KMT2C: variants seen among roughly 807,000 people sequenced by gnomAD.
KMT2C encodes the protein histone-lysine N-methyltransferase 2C.
In KMT2C, 88 loss-of-function variants were observed where a neutral mutation model predicts 507.9. The observed-to-expected ratio is 0.17, with a 90% confidence interval of 0.15 to 0.21. The LOEUF (loss-of-function observed/expected upper bound fraction) is 0.21. Among genes scored for constraint, KMT2C ranks in the 10% least tolerant of loss-of-function variants. The pLI is 1.00. For synonymous variants in KMT2C, 2,049 were observed against 2,080.8 expected, an observed-to-expected ratio of 0.98 and a Z score of 0.42; for missense variants, 4,954 against 5,957.8, an observed-to-expected ratio of 0.83 and a Z score of 5.55.
chr7:152,216,966 T>C (rs1390323992), intron 23 of KMT2C, among the ~76,000 whole-genome samples: 1 of 152,202 alleles, frequency 6.6e-6, no homozygotes, highest in African/African-American at 2.4e-5. Flanking sequence ...TCAGCACAAC[T>C]ATCCTATGGG....
At chr7:152,321,929 T>C (rs2096776362) in intron 3 of KMT2C, among the ~76,000 whole-genome samples, 1 of 151,818 alleles carries the variant, frequency 6.6e-6, no homozygotes, top group South Asian at 2.1e-4. Flanking sequence ...CTTAAATTTA[T>C]ATGGAAGCAC....
At chr7:152,314,942 A>T (rs1183667619) in intron 4 of KMT2C, among the ~76,000 whole-genome samples, 196 bp downstream of exon 4, 1 of 152,194 alleles carries the variant, frequency 6.6e-6, no homozygotes, top group Non-Finnish European at 1.5e-5. Context: ...TTTAAAAAAT[A>T]ACAAGAAAAA....
intron 25 of KMT2C, 71 bp from the exon 26 acceptor site, chr7:152,203,135 T>C: frequency 8.0e-7 from 1 of 1,247,460 alleles, no homozygotes; most frequent in Non-Finnish European, 1.1e-6. Context: ...AAGGTAATTT[T>C]ATACCTTACC....
At position 152,290,133 on chromosome 7, in the gene KMT2C, C is replaced by T. The variant is rs1428211685; in HGVS notation, c.850-16266G>A. Among the ~76,000 whole-genome samples, 7 of 150,894 alleles carry T rather than the reference C, an allele frequency of 4.6e-5. No homozygotes were observed. In the East Asian group the frequency reaches 1.4e-3, roughly 29 times the overall value. ...GATCACTCAGTGAACCAATATTTTC[C>T]AAAGACCACTTAGTAATCTTATAAA... is the stretch of plus-strand genomic sequence containing the variant. On this transcript the variant is annotated intron_variant, in intron 6 of 58. Transcript: ENST00000262189.
intron 8 of KMT2C, among the ~76,000 whole-genome samples, chr7:152,264,180 G>A (rs2095825257): frequency 6.6e-6 from 1 of 152,164 alleles, no homozygotes; most frequent in Non-Finnish European, 1.5e-5. Context: ...ACCAAAATAT[G>A]GAGGTACATA....
At chr7:152,191,065 T>C (rs1204679597) in intron 31 of KMT2C, among the ~76,000 whole-genome samples, 2 of 152,206 alleles carry the variant, frequency 1.3e-5, no homozygotes, top group Admixed American at 1.3e-4. Context: ...GTTAAGCATA[T>C]ACTTAATTAC....
chr7:152,269,240 T>C (rs2095913797), intron 7 of KMT2C, among the ~76,000 whole-genome samples: 1 of 152,226 alleles, frequency 6.6e-6, no homozygotes, highest in Non-Finnish European at 1.5e-5. Context: ...TTGATTACTA[T>C]GGATCATTGG....
In KMT2C at chr7:152,176,470, G is replaced by T. The variant is rs762946746; in HGVS notation, c.8983C>A (p.Pro2995Thr). ...CTGTGGTTAACTGTTGATTGACCTG[G>T]AATGAGCCCTGGGTTTACCTGCACA... ...QGVQVNPGLI[P>T]GQSTVNHSLG... Residue 2995 changes from proline to threonine, a missense_variant, in exon 38 of 59, where the codon CCA (proline) becomes ACA (threonine). By Grantham distance (38) the Pro-to-Thr change is conservative. This residue lies in a region of KMT2C where 1,689 missense variants were observed against 1,654.3 expected (regional missense o/e 1.02). Transcript: ENST00000262189. 2 of 1,614,168 alleles carry T rather than the reference G, an allele frequency of 1.2e-6. No individual in the cohort carries two copies. Among genetic ancestry groups the T allele is most frequent in the Non-Finnish European group, 1.7e-6 (2 of 1,180,030 alleles).
chr7:152,386,811 G>A (rs1355192110), intron 1 of KMT2C, among the ~76,000 whole-genome samples: 1 of 152,152 alleles, frequency 6.6e-6, no homozygotes, highest in Admixed American at 6.5e-5. Flanking sequence ...GGAAACTGAA[G>A]TATAAAGAAA....
Position 152,350,561 on chromosome 7 carries a change from T to C in KMT2C, c.250+8026A>G, listed in dbSNP as rs139807726. Among the ~76,000 whole-genome samples the C allele has an allele frequency of 1.6e-4, 25 of 152,300 alleles. 1 individual carries two copies. In the East Asian group the frequency reaches 4.6e-3, roughly 28 times the overall value. ...AGTCAAGTATTTGTGTATCTAAATA[T>C]ATGTAAACATAGAAACAATGGTAAG... On this transcript the variant is annotated intron_variant, in intron 2 of 58. Transcript: ENST00000262189.
chr7:152,273,690 C>G lies in KMT2C; in HGVS notation c.1012+15G>C, dbSNP rs201635031. ...CATTGGTTGAAGTTTAAAAGTCTAT[C>G]CGTAGTAAACTTACATCTTTCAGGA... is the stretch of plus-strand genomic sequence containing the variant. On this transcript the variant is annotated intron_variant, in intron 7 of 58. Transcript: ENST00000262189. The G allele has an allele frequency of 1.2e-6, 2 of 1,613,724 alleles. No individual in the cohort carries two copies. Among genetic ancestry groups the G allele is most frequent in the Admixed American group, 1.7e-5 (1 of 60,000 alleles).
chr7:152,367,324 C>A (rs922507035), intron 1 of KMT2C: 7 of 932,260 alleles, frequency 7.5e-6, no homozygotes, highest in South Asian at 1.4e-5. Flanking sequence ...CTGACCTGCA[C>A]CTTCGCAGAA....
intron 34 of KMT2C, 29 bp from the exon 35 acceptor site, chr7:152,183,185 C>A (rs2129121701): frequency 6.8e-7 from 1 of 1,477,130 alleles, no homozygotes; most frequent in Non-Finnish European, 9.0e-7. Context: ...AAAAAATTTC[C>A]CAGATTATGT....
chr7:152,400,765 A>G (rs1413369484), intron 1 of KMT2C, among the ~76,000 whole-genome samples: 1 of 152,128 alleles, frequency 6.6e-6, no homozygotes, highest in Non-Finnish European at 1.5e-5. Flanking sequence ...GAAATGATAA[A>G]GCTCTAATAA....
At chr7:152,411,813 G>A (rs2097687725) in intron 1 of KMT2C, among the ~76,000 whole-genome samples, 1 of 152,292 alleles carries the variant, frequency 6.6e-6, no homozygotes, top group Non-Finnish European at 1.5e-5. Flanking sequence ...GGAAACGAAC[G>A]CGTTTTAACA....
chr7:152,300,878 C>T (rs1563780088), intron 6 of KMT2C, among the ~76,000 whole-genome samples: 1 of 151,748 alleles, frequency 6.6e-6, no homozygotes, highest in Non-Finnish European at 1.5e-5. Context: ...GCCAACATGG[C>T]GAAACCCCGT....
intron 1 of KMT2C, among the ~76,000 whole-genome samples, chr7:152,395,590 C>T (rs1342695655): frequency 1.3e-5 from 2 of 152,266 alleles, no homozygotes; most frequent in Admixed American, 1.3e-4. Flanking sequence ...TCACTGCAAC[C>T]TCCGCCTCCT....
intron 2 of KMT2C, among the ~76,000 whole-genome samples, chr7:152,341,318 A>G (rs538056605): frequency 1.3e-5 from 2 of 152,364 alleles, no homozygotes; most frequent in South Asian, 2.1e-4. Context: ...ATGATTTGTT[A>G]CGTGGCAATA....
At chr7:152,324,262 T>G (rs1589193111) in intron 3 of KMT2C, among the ~76,000 whole-genome samples, 1 of 151,330 alleles carries the variant, frequency 6.6e-6, no homozygotes, top group Admixed American at 6.6e-5. Context: ...AAAGTGATTG[T>G]GGTTCTGCCA....
Sources: allele counts gnomAD v4.1 joint callset (sites outside exome capture counted in the v4.1 genomes callset), GRCh38; gene constraint gnomAD v4.1.1; regional missense constraint gnomAD v4.1.1; transcripts MANE v1.5; gene names NCBI Gene and HGNC (gene_info 2026-07-23, HGNC 2026-07-21).